The following PLEKHA5 variants were observed in gnomAD, a reference collection of about 807,000 sequenced individuals.
The protein encoded by PLEKHA5 is pleckstrin homology domain containing A5, also known as pleckstrin homology domain-containing family A member 5.
PLEKHA5 carries 55 observed loss-of-function variants against 181.9 expected under a neutral mutation model. The observed-to-expected ratio is 0.30, with a 90% CI of 0.24 to 0.38. PLEKHA5 has a LOEUF of 0.38. PLEKHA5 is among the 10% of genes least tolerant of loss of function. PLEKHA5 has a pLI of 1.00. For missense variants in PLEKHA5, 1,432 were observed against 1,549.5 expected, an observed-to-expected ratio of 0.92 and a Z score of 1.27; for synonymous variants, 535 against 529.4, an observed-to-expected ratio of 1.01 and a Z score of -0.15.
At chr12:19,334,182 C>T (rs1488671809) in intron 20 of PLEKHA5, among the ~76,000 whole-genome samples, 1 of 152,136 alleles carries the variant, frequency 6.6e-6, no homozygotes, top group African/African-American at 2.4e-5. Flanking sequence ...GTCCTTTCCT[C>T]GCTGTCCTCT....
chr12:19,279,334 G>A (rs944600400), intron 11 of PLEKHA5, among the ~76,000 whole-genome samples: 21 of 151,994 alleles, frequency 1.4e-4, no homozygotes, highest in African/African-American at 4.8e-4. Context: ...CTGCATTTTA[G>A]TTCTATTTAG....
chr12:19,255,381 C>T (rs371461507), intron 5 of PLEKHA5, among the ~76,000 whole-genome samples: 2 of 151,984 alleles, frequency 1.3e-5, no homozygotes, highest in South Asian at 2.1e-4. Flanking sequence ...TTTAGAAATA[C>T]ATTGATATTT....
In PLEKHA5 at chr12:19,244,582, A is replaced by G. The variant is rs147414831; in HGVS notation, c.228-9358A>G. 1.9e-3 allele frequency among the ~76,000 whole-genome samples: 289 copies of G among 152,354 alleles called. 1 individual carries two copies. Among genetic ancestry groups the G allele is most frequent in the Non-Finnish European group, 3.7e-3 (254 of 68,040 alleles). ...GCCAAATGGCAGCTGCCAAACCACT[A>G]TGCTATTCTATTTTTCTTAAACTAA... On this transcript the variant is annotated intron_variant, in intron 3 of 31. Coordinates refer to ENST00000429027, the MANE Select transcript of PLEKHA5 (RefSeq NM_001256470.2).
chr12:19,133,973 G>A (rs1465736154), intron 3 of PLEKHA5, among the ~76,000 whole-genome samples: 2 of 151,918 alleles, frequency 1.3e-5, no homozygotes, highest in African/African-American at 2.4e-5. Context: ...TTCATTTCAG[G>A]TCATTTATTC....
chr12:19,188,741 T>C (rs1298081687), intron 3 of PLEKHA5, among the ~76,000 whole-genome samples: 1 of 152,250 alleles, frequency 6.6e-6, no homozygotes, highest in African/African-American at 2.4e-5. Flanking sequence ...ATACATATTA[T>C]GTTGATTTAG....
chr12:19,298,541 G>A (rs2080568554), intron 15 of PLEKHA5, among the ~76,000 whole-genome samples: 1 of 142,892 alleles, frequency 7.0e-6, no homozygotes, highest in African/African-American at 2.6e-5. Context: ...GTGAATTTTT[G>A]TATTTTTAGT....
At chr12:19,336,663 G>C in intron 21 of PLEKHA5, 47 bp downstream of exon 21, 1 of 1,036,732 alleles carries the variant, frequency 9.6e-7, no homozygotes, top group South Asian at 1.4e-5. Context: ...GTTTTTACTG[G>C]TACTGTACAA....
intron 20 of PLEKHA5, among the ~76,000 whole-genome samples, chr12:19,323,815 CAAAAAAAA>C (rs376204923): frequency 1.7e-5 from 2 of 116,002 alleles, no homozygotes; most frequent in Admixed American, 8.8e-5. Flanking sequence ...GACTCTGTTT[CAAAAAAAA>C]AAAAAAAAAG....
chr12:19,365,860 G>A (rs1318431643), intron 29 of PLEKHA5, 104 bp from the exon 30 acceptor site: 1 of 661,594 alleles, frequency 1.5e-6, no homozygotes, highest in Non-Finnish European at 2.5e-6. Flanking sequence ...GTAAGAAAAT[G>A]TTCGTTGTTA....
rs34158055 is a variant in PLEKHA5, at chr12:19,335,582, A to AT, written c.2449-913dup. Among the ~76,000 whole-genome samples the AT allele has an allele frequency of 2.9e-3, 315 of 107,996 alleles. 3 individuals are homozygous for AT. Among genetic ancestry groups the AT allele is most frequent in the African/African-American group, 8.0e-3 (236 of 29,438 alleles). 70.8% of individuals were successfully genotyped at this position (107,996 alleles called of 152,430 possible). A position where few individuals can be genotyped will look rare whatever the true frequency, so the allele number is the denominator to read the frequency against. On this transcript the variant is annotated intron_variant, in intron 20 of 31. Coordinates refer to ENST00000429027, the MANE Select transcript of PLEKHA5 (RefSeq NM_001256470.2). ...AGGCGCCTGCCACTGCGCCTGGCTAATTTTTTTTTTTTTTTTTTTTGTATT... is the reference window on the plus strand; with the variant it reads ...AGGCGCCTGCCACTGCGCCTGGCTAATTTTTTTTTTTTTTTTTTTTTGTATT...
At position 19,236,458 on chromosome 12, in the gene PLEKHA5, C is replaced by A. The variant is rs560623609; in HGVS notation, c.228-17482C>A. ...TAAGTGATCAATAAAACTGAGCAAC[C>A]ATCATCATCGTTTCTGGGTGGTGGA... On this transcript the variant is annotated intron_variant, in intron 3 of 31. Coordinates refer to ENST00000429027, the MANE Select transcript of PLEKHA5 (RefSeq NM_001256470.2). 2.0e-5 allele frequency among the ~76,000 whole-genome samples: 3 copies of A among 152,130 alleles called. No individual in the cohort carries two copies. In the East Asian group the frequency reaches 5.8e-4, roughly 29 times the overall value.
intron 30 of PLEKHA5, among the ~76,000 whole-genome samples, chr12:19,368,147 C>A (rs2095482815): frequency 6.6e-6 from 1 of 152,008 alleles, no homozygotes. Context: ...CAGTCATGTT[C>A]CCTTGTAACA....
chr12:19,204,654 G>A (rs1380253302), intron 3 of PLEKHA5, among the ~76,000 whole-genome samples: 2 of 152,080 alleles, frequency 1.3e-5, no homozygotes, highest in African/African-American at 2.4e-5. Flanking sequence ...GTATAGGTTT[G>A]TCAATATTTG....
At chr12:19,363,709 C>G (rs1222455681) in intron 29 of PLEKHA5, among the ~76,000 whole-genome samples, 2 of 151,960 alleles carry the variant, frequency 1.3e-5, no homozygotes, top group Non-Finnish European at 2.9e-5. Flanking sequence ...CCAGGCTGGC[C>G]TCAAATTCCT....
intron 27 of PLEKHA5, 46 bp downstream of exon 27, chr12:19,358,483 A>G: frequency 7.5e-7 from 1 of 1,325,886 alleles, no homozygotes; most frequent in Non-Finnish European, 1.1e-6. Context: ...ATCTAGTATC[A>G]CTGAATTTTG....
chr12:19,210,122 CAGTT>C (rs964930485), intron 3 of PLEKHA5, among the ~76,000 whole-genome samples: 1 of 152,158 alleles, frequency 6.6e-6, no homozygotes, highest in Non-Finnish European at 1.5e-5. Context: ...TTAGGGCTCT[CAGTT>C]ATTTAGGGAT....
chr12:19,253,527 A>G (rs878910912), intron 3 of PLEKHA5, among the ~76,000 whole-genome samples: 1 of 151,996 alleles, frequency 6.6e-6, no homozygotes, highest in East Asian at 1.9e-4. Context: ...GAATCTCAAA[A>G]GGCTGGCGGC....
chr12:19,236,381 C>A (rs1222294346), intron 3 of PLEKHA5, among the ~76,000 whole-genome samples: 1 of 152,128 alleles, frequency 6.6e-6, no homozygotes, highest in Non-Finnish European at 1.5e-5. Context: ...ACTATAGAAT[C>A]TATCTTGTTG....
At chr12:19,222,247 T>C (rs1206058788) in intron 3 of PLEKHA5, among the ~76,000 whole-genome samples, 1 of 152,148 alleles carries the variant, frequency 6.6e-6, no homozygotes, top group Non-Finnish European at 1.5e-5. Context: ...AAAGCTACAT[T>C]TTTTTAATCC....
Sources: gnomAD v4.1 joint callset for allele counts (sites outside exome capture counted in the v4.1 genomes callset) on GRCh38, gnomAD v4.1.1 for gene constraint, MANE v1.5 for transcripts, NCBI Gene and HGNC (gene_info 2026-07-23, HGNC 2026-07-21) for gene names.